Variants in ZNF366 observed in about 807,000 individuals in gnomAD.
ZNF366 encodes the protein zinc finger protein 366.
A neutral mutation model predicts 47.2 loss-of-function variants in ZNF366; 20 were observed. The observed-to-expected ratio is 0.42, with a 90% CI of 0.30 to 0.62. The LOEUF is 0.62. Ranked by LOEUF, ZNF366 falls within the 20% of genes least tolerant of loss-of-function variation. ZNF366 has a pLI of 0.16. For missense variants in ZNF366, 987 were observed against 976.3 expected, an observed-to-expected ratio of 1.01 and a Z score of -0.15; for synonymous variants, 421 against 395.1, an observed-to-expected ratio of 1.07 and a Z score of -0.78.
Position 72,443,478 on chromosome 5 carries a change from A to C in ZNF366, c.*278T>G. ...GAATTTCTAAAAGCACCTCAGCATC[A>C]GCTTACAATTAGATATCTGGAAGAA... On this transcript the variant is annotated 3_prime_UTR_variant, in exon 5 of 5. Coordinates refer to ENST00000318442, the MANE Select transcript of ZNF366 (RefSeq NM_152625.3). 6.0e-6 allele frequency: 2 copies of C among 330,800 alleles called. No homozygotes were observed. Among genetic ancestry groups the C allele is most frequent in the Non-Finnish European group, 5.5e-6 (1 of 182,420 alleles). 20.5% of individuals were successfully genotyped at this position (330,800 alleles called of 1,614,324 possible). A position where few individuals can be genotyped will look rare whatever the true frequency, so the allele number is the denominator to read the frequency against.
At chr5:72,484,694 A>G (rs1743858996) in intron 1 of ZNF366, among the ~76,000 whole-genome samples, 1 of 152,114 alleles carries the variant, frequency 6.6e-6, no homozygotes, top group African/African-American at 2.4e-5. Flanking sequence ...AGGAGCGATG[A>G]CAAGAGAAGG....
intron 1 of ZNF366, among the ~76,000 whole-genome samples, chr5:72,468,866 A>G (rs1242201881): frequency 1.3e-5 from 2 of 152,176 alleles, no homozygotes; most frequent in East Asian, 1.9e-4. Context: ...CTCTTCCCCA[A>G]CCCTCAGAGC....
intron 2 of ZNF366, among the ~76,000 whole-genome samples, chr5:72,458,917 T>A (rs1342481730): frequency 1.3e-5 from 2 of 152,252 alleles, no homozygotes; most frequent in Non-Finnish European, 2.9e-5. Context: ...AGGATCTTCA[T>A]ATGCTCTAAA....
intron 3 of ZNF366, among the ~76,000 whole-genome samples, chr5:72,455,969 T>G (rs1007707493): frequency 2.7e-5 from 4 of 148,134 alleles, no homozygotes; most frequent in African/African-American, 9.8e-5. Flanking sequence ...TGGCGGTGGG[T>G]GGGGGGGAAG....
chr5:72,475,889 G>GC (rs1029431727), intron 1 of ZNF366, among the ~76,000 whole-genome samples: 4 of 152,078 alleles, frequency 2.6e-5, no homozygotes, highest in African/African-American at 9.7e-5. Flanking sequence ...GTGACACCAT[G>GC]CCGTCATGAA....
At chr5:72,482,868 A>G (rs1394165556) in intron 1 of ZNF366, among the ~76,000 whole-genome samples, 1 of 152,006 alleles carries the variant, frequency 6.6e-6, no homozygotes, top group Non-Finnish European at 1.5e-5. Flanking sequence ...GAAGCCAAGT[A>G]TCACATGTGT....
Position 72,447,284 on chromosome 5 carries a change from T to C in ZNF366, c.1658A>G (p.Lys553Arg). Reference protein sequence around the residue: ...TLKGNLTRHMKVKHGVMERGL... With the variant: ...TLKGNLTRHMRVKHGVMERGL... The stretch of plus-strand genomic sequence containing the variant: ...CCGCTCCATGACTCCATGCTTGACT[T>C]TCATGTGGCGTGTCAGGTTCCCCTT... Residue 553 changes from lysine to arginine, a missense_variant, in exon 4 of 5, where the codon AAA (lysine) becomes AGA (arginine). Around this residue, in one of 3 missense-constraint regions of ZNF366, gnomAD observed 111 missense variants for 180.5 expected, o/e 0.61. Coordinates refer to ENST00000318442, the MANE Select transcript of ZNF366 (RefSeq NM_152625.3). 6.2e-7 allele frequency: 1 copy of C among 1,614,196 alleles called. No individual in the cohort carries two copies.
chr5:72,492,596 A>G (rs951328822), intron 1 of ZNF366, among the ~76,000 whole-genome samples: 2 of 152,240 alleles, frequency 1.3e-5, no homozygotes, highest in Admixed American at 6.5e-5. Context: ...CCTCACAAAA[A>G]CAAAGCAAAA....
intron 1 of ZNF366, among the ~76,000 whole-genome samples, chr5:72,468,493 C>T (rs1345288456): frequency 6.6e-6 from 1 of 152,126 alleles, no homozygotes; most frequent in African/African-American, 2.4e-5. Context: ...TTTGAAAGTT[C>T]CTAAATACAA....
At chr5:72,479,505 T>G (rs1193249614) in intron 1 of ZNF366, among the ~76,000 whole-genome samples, 6 of 152,048 alleles carry the variant, frequency 3.9e-5, no homozygotes, top group Admixed American at 3.9e-4. Flanking sequence ...CCAAAAAAAT[T>G]TTTTTCAACA....
intron 3 of ZNF366, among the ~76,000 whole-genome samples, chr5:72,451,729 A>G (rs1190688739): frequency 1.3e-5 from 2 of 152,216 alleles, no homozygotes; most frequent in Non-Finnish European, 2.9e-5. Flanking sequence ...AGTGTAGTAG[A>G]AATGCAAGCG....
Position 72,460,784 on chromosome 5 carries a change from A to G in ZNF366, c.713T>C (p.Ile238Thr), listed in dbSNP as rs1743290264. ...CACGTCCACGTAGTAGCTGTCATCGATCTGCACGTTCACGTCCACCCTCTC... is the reference window on the plus strand; with the variant it reads ...CACGTCCACGTAGTAGCTGTCATCGGTCTGCACGTTCACGTCCACCCTCTC... The part of the protein sequence containing the change: ...KVERVDVNVQ[I>T]DDSYYVDVGG... The change falls in exon 2 of 5, where the codon ATC (isoleucine) becomes ACC (threonine). Residue 238 changes from isoleucine to threonine, a missense_variant. Ile to Thr is a moderately conservative substitution (Grantham distance 89, BLOSUM62 -1). Around this residue, in one of 3 missense-constraint regions of ZNF366, gnomAD observed 591 missense variants for 560.9 expected, o/e 1.05. Coordinates refer to ENST00000318442, the MANE Select transcript of ZNF366 (RefSeq NM_152625.3). 3.1e-6 allele frequency: 5 copies of G among 1,614,168 alleles called. No homozygotes were observed. The highest frequency in any genetic ancestry group is 4.2e-6 in the Non-Finnish European group (5 of 1,180,044).
At chr5:72,476,628 C>G (rs1255604092) in intron 1 of ZNF366, among the ~76,000 whole-genome samples, 4 of 152,142 alleles carry the variant, frequency 2.6e-5, no homozygotes, top group African/African-American at 9.7e-5. Flanking sequence ...GAGGCACAGC[C>G]ATGGCAATGG....
intron 1 of ZNF366, among the ~76,000 whole-genome samples, chr5:72,505,748 G>A (rs1580258607): frequency 2.0e-5 from 3 of 152,228 alleles, no homozygotes; most frequent in South Asian, 4.1e-4. Flanking sequence ...GATAAATGAT[G>A]CAATAATGCC....
At chr5:72,503,255 T>C (rs1207394438) in intron 1 of ZNF366, among the ~76,000 whole-genome samples, 1 of 152,168 alleles carries the variant, frequency 6.6e-6, no homozygotes, top group Non-Finnish European at 1.5e-5. Context: ...CATTCCTTAT[T>C]CCATAATACT....
chr5:72,469,634 G>A (rs1743517215), intron 1 of ZNF366, among the ~76,000 whole-genome samples: 1 of 152,166 alleles, frequency 6.6e-6, no homozygotes, highest in African/African-American at 2.4e-5. Flanking sequence ...AGTCTATTCA[G>A]CAAGAATATT....
intron 4 of ZNF366, among the ~76,000 whole-genome samples, chr5:72,446,626 T>C (rs1742965042): frequency 6.6e-6 from 1 of 152,184 alleles, no homozygotes; most frequent in African/African-American, 2.4e-5. Flanking sequence ...GCTCTGCATA[T>C]GGGCCAATCA....
chr5:72,459,663 G>A (rs1743261301), intron 2 of ZNF366, among the ~76,000 whole-genome samples: 1 of 152,218 alleles, frequency 6.6e-6, no homozygotes, highest in South Asian at 2.1e-4. Flanking sequence ...GCTTCCCTTG[G>A]AGAACTTGCA....
intron 1 of ZNF366, chr5:72,472,684 C>T (rs1372145130): frequency 4.9e-6 from 3 of 609,092 alleles, no homozygotes; most frequent in Non-Finnish European, 6.2e-6. Context: ...TCCAGTTTCT[C>T]CATTCCAGCC....
Sources: gnomAD v4.1 joint callset for allele counts (sites outside exome capture counted in the v4.1 genomes callset) on GRCh38, gnomAD v4.1.1 for gene constraint, gnomAD v4.1.1 regional missense constraint, MANE v1.5 for transcripts, NCBI Gene and HGNC (gene_info 2026-07-23, HGNC 2026-07-21) for gene names.